Variants in MAN1A1 observed in about 807,000 individuals in gnomAD.
The protein encoded by MAN1A1 is mannosidase alpha class 1A member 1.
A neutral mutation model predicts 70.8 loss-of-function variants in MAN1A1; 29 were observed. The observed-to-expected ratio is 0.41, with a 90% CI of 0.31 to 0.56. The LOEUF is 0.56. MAN1A1 is among the 20% of genes least tolerant of loss of function. The pLI is 0.29. For synonymous variants in MAN1A1, 349 were observed against 330.1 expected, an observed-to-expected ratio of 1.06 and a Z score of -0.62; for missense variants, 747 against 841.3, an observed-to-expected ratio of 0.89 and a Z score of 1.39.
intron 2 of MAN1A1, among the ~76,000 whole-genome samples, chr6:119,310,742 C>G (rs537231824): frequency 6.6e-6 from 1 of 152,160 alleles, no homozygotes; most frequent in South Asian, 2.1e-4. Flanking sequence ...ACAAGAAAGG[C>G]AAGGAGAAAA....
chr6:119,252,956 A>G (rs1309285488), intron 5 of MAN1A1, among the ~76,000 whole-genome samples: 1 of 152,100 alleles, frequency 6.6e-6, no homozygotes, highest in Non-Finnish European at 1.5e-5. Flanking sequence ...GATGTTGATC[A>G]TTCTATGGTC....
chr6:119,323,500 A>G (rs533686127), intron 2 of MAN1A1, among the ~76,000 whole-genome samples: 1 of 152,188 alleles, frequency 6.6e-6, no homozygotes, highest in South Asian at 2.1e-4. Context: ...TGCCCAACAT[A>G]TCAGTGTTCT....
chr6:119,299,946 C>T (rs1048595931), intron 4 of MAN1A1, among the ~76,000 whole-genome samples: 4 of 151,978 alleles, frequency 2.6e-5, no homozygotes, highest in African/African-American at 4.8e-5. Flanking sequence ...TTGCACAGGT[C>T]GTGAAAAGAA....
At chr6:119,337,929 T>C (rs1316978937) in intron 2 of MAN1A1, among the ~76,000 whole-genome samples, 2 of 152,198 alleles carry the variant, frequency 1.3e-5, no homozygotes, top group Admixed American at 6.5e-5. Flanking sequence ...CATTTTATAC[T>C]TCCTAATAAG....
chr6:119,303,641 C>A (rs1401328840), intron 3 of MAN1A1, among the ~76,000 whole-genome samples: 1 of 152,110 alleles, frequency 6.6e-6, no homozygotes, highest in Non-Finnish European at 1.5e-5. Context: ...GTTCCAGGGG[C>A]TAATCTTGTG....
intron 8 of MAN1A1, among the ~76,000 whole-genome samples, chr6:119,196,652 T>C (rs1165058677): frequency 1.3e-5 from 2 of 152,196 alleles, no homozygotes; most frequent in Non-Finnish European, 2.9e-5. Flanking sequence ...AAAGGATTTC[T>C]AATATCTAAA....
intron 12 of MAN1A1, 137 bp downstream of exon 12, chr6:119,180,175 A>C: frequency 1.4e-6 from 1 of 727,236 alleles, no homozygotes; most frequent in Admixed American, 2.7e-5. Context: ...TATTGAGAAT[A>C]TACCTGCAAT....
intron 2 of MAN1A1, among the ~76,000 whole-genome samples, chr6:119,312,848 TTC>T (rs1315486392): frequency 2.0e-5 from 3 of 152,194 alleles, no homozygotes; most frequent in Admixed American, 2.0e-4. Context: ...TCTCTATACT[TTC>T]TGTTCAATTT....
At chr6:119,346,147 T>C (rs2114515657) in intron 2 of MAN1A1, among the ~76,000 whole-genome samples, 1 of 152,144 alleles carries the variant, frequency 6.6e-6, no homozygotes, top group East Asian at 1.9e-4. Flanking sequence ...AGAAAAAAAC[T>C]AAGGCAAAGA....
intron 6 of MAN1A1, among the ~76,000 whole-genome samples, chr6:119,216,214 A>G (rs1774196925): frequency 6.6e-6 from 1 of 152,224 alleles, no homozygotes; most frequent in Non-Finnish European, 1.5e-5. Context: ...ACAGGGGATG[A>G]TAAAGTCTGA....
intron 11 of MAN1A1, among the ~76,000 whole-genome samples, chr6:119,186,256 T>C (rs1463359095): frequency 1.3e-5 from 2 of 152,112 alleles, no homozygotes; most frequent in Admixed American, 6.5e-5. Flanking sequence ...TGCAAAGATA[T>C]GGAGGGGAGT....
chr6:119,313,879 T>C (rs1209479792), intron 2 of MAN1A1, among the ~76,000 whole-genome samples: 1 of 147,684 alleles, frequency 6.8e-6, no homozygotes. Flanking sequence ...CTAGGGCAAC[T>C]AGAAGTGAAT....
intron 2 of MAN1A1, among the ~76,000 whole-genome samples, chr6:119,319,540 T>C (rs997399152): frequency 1.3e-5 from 2 of 152,060 alleles, no homozygotes; most frequent in Admixed American, 6.5e-5. Context: ...AGCTATTTTA[T>C]GGCTTAAAAA....
At chr6:119,232,373 A>C (rs1290238630) in intron 6 of MAN1A1, among the ~76,000 whole-genome samples, 4 of 48,980 alleles carry the variant, frequency 8.2e-5, no homozygotes, top group African/African-American at 2.3e-4. Flanking sequence ...ACTCTGTCTC[A>C]AAAAAAAAAA....
At chr6:119,302,430 G>C (rs964700710) in intron 3 of MAN1A1, among the ~76,000 whole-genome samples, 2 of 151,058 alleles carry the variant, frequency 1.3e-5, no homozygotes, top group Non-Finnish European at 2.9e-5. Context: ...TGCCCAGGCT[G>C]GAGTGCAGTG....
intron 5 of MAN1A1, among the ~76,000 whole-genome samples, chr6:119,273,447 T>C (rs1582756058): frequency 6.6e-6 from 1 of 152,162 alleles, no homozygotes; most frequent in East Asian, 1.9e-4. Context: ...AAGCATAAAT[T>C]TTAATGGCTG....
intron 2 of MAN1A1, among the ~76,000 whole-genome samples, chr6:119,321,774 T>A (rs1582802311): frequency 6.6e-6 from 1 of 151,968 alleles, no homozygotes; most frequent in African/African-American, 2.4e-5. Flanking sequence ...TGTACCACCA[T>A]GCCTCGCTAA....
intron 4 of MAN1A1, among the ~76,000 whole-genome samples, chr6:119,298,508 T>C (rs1772285970): frequency 6.6e-6 from 1 of 152,162 alleles, no homozygotes. Context: ...TGTTTATACT[T>C]AGGAGCACCA....
intron 9 of MAN1A1, among the ~76,000 whole-genome samples, chr6:119,191,660 T>A (rs1044209048): frequency 6.6e-6 from 1 of 152,184 alleles, no homozygotes; most frequent in African/African-American, 2.4e-5. Context: ...CAGGTATCAT[T>A]TGCCATTGTG....
Sources: allele counts gnomAD v4.1 joint callset (sites outside exome capture counted in the v4.1 genomes callset), GRCh38; gene constraint gnomAD v4.1.1; transcripts MANE v1.5; gene names NCBI Gene and HGNC (gene_info 2026-07-23, HGNC 2026-07-21).